DAP: variants seen among roughly 807,000 people sequenced by gnomAD.
DAP encodes death-associated protein 1.
A neutral mutation model predicts 13.8 loss-of-function variants in DAP; 8 were observed. The observed-to-expected ratio is 0.58, with a 90% CI of 0.34 to 1.05. DAP has a LOEUF of 1.05. Ranked by LOEUF, DAP falls within the 50% of genes least tolerant of loss-of-function variation. The probability of loss-of-function intolerance (pLI) is 0.03; values close to 1 mark genes in which losing one functional copy is unlikely to be tolerated. For missense variants in DAP, 106 were observed against 133.2 expected, an observed-to-expected ratio of 0.80 and a Z score of 1.01; for synonymous variants, 47 against 47.5, an observed-to-expected ratio of 0.99 and a Z score of 0.04.
chr5:10,743,428 A>G (rs769640805), intron 2 of DAP, among the ~76,000 whole-genome samples: 8 of 152,186 alleles, frequency 5.3e-5, no homozygotes, highest in Non-Finnish European at 4.4e-5. Flanking sequence ...CAAAAAGTCA[A>G]GCTCAGGGAA....
chr5:10,717,795 C>T (rs1739029925), intron 2 of DAP, among the ~76,000 whole-genome samples: 1 of 151,722 alleles, frequency 6.6e-6, no homozygotes, highest in South Asian at 2.1e-4. Context: ...AATAGTCTGA[C>T]TAGTGTAGAG....
chr5:10,736,980 T>C (rs1289037313), intron 2 of DAP, among the ~76,000 whole-genome samples: 3 of 152,158 alleles, frequency 2.0e-5, no homozygotes, highest in Non-Finnish European at 2.9e-5. Context: ...CTGTGGCCCG[T>C]GGCACTCCAG....
intron 2 of DAP, among the ~76,000 whole-genome samples, chr5:10,700,648 A>T (rs1427339985): frequency 6.6e-6 from 1 of 152,164 alleles, no homozygotes; most frequent in Admixed American, 6.5e-5. Context: ...CGCTTCCATC[A>T]GGTAAATATT....
intron 2 of DAP, among the ~76,000 whole-genome samples, chr5:10,702,969 C>A (rs1738618746): frequency 6.6e-6 from 1 of 152,220 alleles, no homozygotes; most frequent in Non-Finnish European, 1.5e-5. Flanking sequence ...GCATGCCTTG[C>A]CTCCTCAGCC....
intron 2 of DAP, among the ~76,000 whole-genome samples, chr5:10,715,844 T>C (rs1339831066): frequency 1.3e-5 from 2 of 152,266 alleles, no homozygotes; most frequent in Non-Finnish European, 2.9e-5. Flanking sequence ...AGGTATTTAT[T>C]GCTTTCTTTG....
intron 2 of DAP, among the ~76,000 whole-genome samples, chr5:10,693,157 CGTA>C (rs34658153): frequency 0.23 from 34,536 of 149,694 alleles, 4,080 homozygotes; most frequent in Middle Eastern, 0.35. Context: ...CACACACGTG[CGTA>C]GTAGTAGTGA....
chr5:10,686,777 A>G (rs1433791879), intron 2 of DAP, among the ~76,000 whole-genome samples: 1 of 152,234 alleles, frequency 6.6e-6, no homozygotes, highest in Non-Finnish European at 1.5e-5. Flanking sequence ...AAGCTGCAGC[A>G]AGTTCTCCAG....
intron 2 of DAP, among the ~76,000 whole-genome samples, chr5:10,688,160 C>G (rs988960862): frequency 1.3e-5 from 2 of 152,074 alleles, no homozygotes; most frequent in Non-Finnish European, 2.9e-5. Flanking sequence ...AAGTGATCTA[C>G]CCACCTTGAC....
intron 2 of DAP, among the ~76,000 whole-genome samples, chr5:10,689,847 G>A (rs887587877): frequency 5.3e-5 from 8 of 152,186 alleles, no homozygotes; most frequent in African/African-American, 1.9e-4. Context: ...CACCCTGAGG[G>A]CTGACTCCGA....
chr5:10,740,854 T>C (rs566187352), intron 2 of DAP, among the ~76,000 whole-genome samples: 1 of 152,342 alleles, frequency 6.6e-6, no homozygotes, highest in South Asian at 2.1e-4. Context: ...AGAATGAACA[T>C]TAGATGTGCA....
At position 10,761,047 on chromosome 5, in the gene DAP, TC is replaced by T. The variant is rs1160193788; in HGVS notation, c.21del (p.Lys8AsnfsTer2). 4.1e-6 allele frequency: 5 copies of T among 1,215,986 alleles called. No individual in the cohort carries two copies. The African/African-American group carries it at 7.9e-5, about 19-fold the overall frequency. The allele number at this position is 1,215,986 out of a possible 1,614,324, so 75.3% of individuals were successfully genotyped here. MSSPPE[G>X]KLETKAGHPP... is the part of the protein sequence containing the mutation. ...GGGTGTCCAGCTTTAGTCTCTAGTT[TC>T]CCTTCGGGAGGCGAAGACATGACGC... On this transcript the variant is annotated frameshift_variant, in exon 1 of 4. Coordinates refer to ENST00000230895, the MANE Select transcript of DAP (RefSeq NM_004394.3). LOFTEE classifies it high-confidence loss of function.
intron 2 of DAP, among the ~76,000 whole-genome samples, chr5:10,704,540 C>A (rs976304256): frequency 6.6e-6 from 1 of 152,124 alleles, no homozygotes; most frequent in Non-Finnish European, 1.5e-5. Flanking sequence ...AAAAAGATTA[C>A]TCCTGGATTA....
intron 2 of DAP, among the ~76,000 whole-genome samples, chr5:10,737,387 A>ACAAC (rs1267002118): frequency 6.6e-6 from 1 of 151,700 alleles, no homozygotes; most frequent in Non-Finnish European, 1.5e-5. Context: ...AACAACAACA[A>ACAAC]AAAAAACTGG....
At chr5:10,708,465 G>A (rs2964781) in intron 2 of DAP, among the ~76,000 whole-genome samples, 39,230 of 129,854 alleles carry the variant, frequency 0.3, 5,478 homozygotes, top group Middle Eastern at 0.43. Context: ...ACACACACAC[G>A]CACATATCTC....
intron 2 of DAP, among the ~76,000 whole-genome samples, chr5:10,724,957 G>A (rs1416647513): frequency 6.6e-6 from 1 of 152,152 alleles, no homozygotes; most frequent in Non-Finnish European, 1.5e-5. Context: ...GCTGACTTGA[G>A]CTTCTTCCTC....
At chr5:10,716,522 T>C (rs541856581) in intron 2 of DAP, among the ~76,000 whole-genome samples, 1 of 152,218 alleles carries the variant, frequency 6.6e-6, no homozygotes, top group South Asian at 2.1e-4. Flanking sequence ...TCACCCTTAA[T>C]TGGGTGGGCA....
At chr5:10,744,756 G>A (rs536312721) in intron 2 of DAP, among the ~76,000 whole-genome samples, 41 of 152,290 alleles carry the variant, frequency 2.7e-4, no homozygotes, top group African/African-American at 9.1e-4. Flanking sequence ...TTATAGGTGC[G>A]GTGAGCACTA....
chr5:10,685,466 T>C (rs1263621922), intron 2 of DAP, among the ~76,000 whole-genome samples: 1 of 152,172 alleles, frequency 6.6e-6, no homozygotes, highest in Non-Finnish European at 1.5e-5. Flanking sequence ...GCCAAGGAGT[T>C]TGCATCCAAA....
intron 2 of DAP, among the ~76,000 whole-genome samples, chr5:10,699,107 C>A (rs964308858): frequency 6.6e-6 from 1 of 152,192 alleles, no homozygotes; most frequent in Non-Finnish European, 1.5e-5. Context: ...TATTTCAAAT[C>A]TGGACCCAGT....
Sources: gnomAD v4.1 joint callset for allele counts (sites outside exome capture counted in the v4.1 genomes callset) on GRCh38, gnomAD v4.1.1 for gene constraint, MANE v1.5 for transcripts, NCBI Gene and HGNC (gene_info 2026-07-23, HGNC 2026-07-21) for gene names.